The following WIPI1 variants were observed in gnomAD, a reference collection of about 807,000 sequenced individuals.
The protein encoded by WIPI1 is WD repeat domain, phosphoinositide interacting 1.
In WIPI1, 45 loss-of-function variants were observed where a neutral mutation model predicts 55.3. That is an observed-to-expected ratio of 0.81 (90% confidence interval 0.64 to 1.04). WIPI1 has a LOEUF of 1.04. Among genes scored for constraint, WIPI1 ranks in the 50% least tolerant of loss-of-function variants. WIPI1 has a pLI of 0.00. For missense variants in WIPI1, 445 were observed against 559.0 expected (o/e 0.80, Z 2.06); for synonymous variants, 195 against 217.6 (o/e 0.90, Z 0.92).
chr17:68,457,271 C>G (rs2084669515), intron 1 of WIPI1, 71 bp downstream of exon 1: 1 of 1,512,248 alleles, frequency 6.6e-7, no homozygotes, highest in Non-Finnish European at 8.9e-7. Context: ...ACAAGCTGCT[C>G]TCAGGACGAC....
Position 68,429,082 on chromosome 17 carries a change from G to T in WIPI1, c.966-146C>A, listed in dbSNP as rs1468621679. 6.4e-6 allele frequency: 4 copies of T among 628,798 alleles called. No homozygotes were observed. The East Asian group carries it at 1.1e-4, about 18-fold the overall frequency. 39.0% of individuals were successfully genotyped at this position (628,798 alleles called of 1,614,324 possible). Reference sequence around the variant, plus strand: ...CCCACTGATCTGGTCTGGGCTTCTGGCTATTCCTTTGCATTCTGGCCTTGG... The same window carrying T: ...CCCACTGATCTGGTCTGGGCTTCTGTCTATTCCTTTGCATTCTGGCCTTGG... On this transcript the variant is annotated intron_variant, in intron 9 of 12. Transcript: ENST00000262139.
At chr17:68,431,220 G>A (rs1267030372) in intron 8 of WIPI1, among the ~76,000 whole-genome samples, 2 of 152,214 alleles carry the variant, frequency 1.3e-5, no homozygotes, top group African/African-American at 4.8e-5. Flanking sequence ...GGTCCAGGCA[G>A]GAGCTAGTCC....
At position 68,444,645 on chromosome 17, in the gene WIPI1, C is replaced by G. The variant is rs551211986; in HGVS notation, c.334-56G>C. ...AACCGTTCCTTACAAAGACCCTGAC[C>G]AAATCCAAATCATTCATCTTTCATA... On this transcript the variant is annotated intron_variant, in intron 3 of 12. Coordinates refer to ENST00000262139, the MANE Select transcript of WIPI1 (RefSeq NM_017983.7). The G allele has an allele frequency of 9.3e-6, 13 of 1,399,924 alleles. No homozygotes were observed. In the Admixed American group the frequency reaches 1.0e-4, roughly 11 times the overall value. The allele number at this position is 1,399,924 out of a possible 1,614,324, so 86.7% of individuals were successfully genotyped here. A position where few individuals can be genotyped will look rare whatever the true frequency, so the allele number is the denominator to read the frequency against.
At chr17:68,428,784 C>T (rs763240441) in intron 10 of WIPI1, 45 bp downstream of exon 10, 111 of 1,477,200 alleles carry the variant, frequency 7.5e-5, no homozygotes, top group Admixed American at 6.8e-5. Flanking sequence ...CAACTCTACA[C>T]GACCAGCTCT....
chr17:68,457,283 C>T, intron 1 of WIPI1, 59 bp downstream of exon 1: 4 of 1,525,686 alleles, frequency 2.6e-6, no homozygotes, highest in Non-Finnish European at 3.5e-6. Flanking sequence ...CAGGACGACA[C>T]CCCTGGGTCC....
intron 3 of WIPI1, among the ~76,000 whole-genome samples, chr17:68,448,080 CTG>C (rs1389921072): frequency 2.7e-5 from 4 of 150,108 alleles, no homozygotes; most frequent in Admixed American, 1.3e-4. Context: ...AAAAAAGAAA[CTG>C]TGCTGTCTGA....
chr17:68,441,625 CT>C (rs1338371040), intron 4 of WIPI1, among the ~76,000 whole-genome samples: 2 of 152,166 alleles, frequency 1.3e-5, no homozygotes, highest in African/African-American at 4.8e-5. Context: ...CAGCTCTGAC[CT>C]GTGCAAGGCT....
intron 4 of WIPI1, among the ~76,000 whole-genome samples, chr17:68,443,828 G>A (rs553674605): frequency 2.0e-5 from 3 of 152,328 alleles, no homozygotes; most frequent in Non-Finnish European, 4.4e-5. Flanking sequence ...AGTTGTTCCA[G>A]TGTGCTGACT....
rs774910250 is a variant in WIPI1, at chr17:68,426,195, C to G, written c.1193-20G>C. On this transcript the variant is annotated intron_variant, in intron 11 of 12. Coordinates refer to ENST00000262139, the MANE Select transcript of WIPI1 (RefSeq NM_017983.7). ...AATAACCTGGAAACCAAGAAAGAGA[C>G]ATGAAACAAGCACTGGGGATCTGCT... The G allele has an allele frequency of 1.9e-6, 3 of 1,575,110 alleles. No individual in the cohort carries two copies. In the East Asian group the frequency reaches 7.0e-5, roughly 37 times the overall value.
intron 8 of WIPI1, among the ~76,000 whole-genome samples, chr17:68,431,987 C>A (rs1329549707): frequency 6.6e-6 from 1 of 152,172 alleles, no homozygotes; most frequent in Non-Finnish European, 1.5e-5. Context: ...AAACCCATGA[C>A]AACAGATGAT....
At chr17:68,455,589 A>G (rs2084628424) in intron 1 of WIPI1, among the ~76,000 whole-genome samples, 1 of 152,178 alleles carries the variant, frequency 6.6e-6, no homozygotes, top group Admixed American at 6.5e-5. Flanking sequence ...CTGTGGCTCA[A>G]AGCAACTGAC....
intron 12 of WIPI1, 88 bp downstream of exon 12, chr17:68,425,987 G>A (rs1203009237): frequency 7.9e-6 from 8 of 1,008,112 alleles, no homozygotes; most frequent in Non-Finnish European, 1.2e-5. Context: ...TAGAAAACAG[G>A]GAAAGGGACT....
At chr17:68,447,522 C>T (rs1022566267) in intron 3 of WIPI1, among the ~76,000 whole-genome samples, 13 of 152,210 alleles carry the variant, frequency 8.5e-5, no homozygotes, top group South Asian at 2.1e-4. Flanking sequence ...GCTAGGCCTA[C>T]GGGCAAGTGC....
At position 68,428,819 on chromosome 17, in the gene WIPI1, G is replaced by A. The variant is rs751336557; in HGVS notation, c.1073+10C>T. ...TCGAAAGGCTGTCTTTTGAAAAGCA[G>A]TCTCTTCACCTGTGGGTTTTGATTA... On this transcript the variant is annotated intron_variant, in intron 10 of 12. Transcript: ENST00000262139. 7 of 1,603,582 alleles carry A rather than the reference G, an allele frequency of 4.4e-6. No individual in the cohort carries two copies. The Admixed American group carries it at 8.3e-5, about 19-fold the overall frequency.
At chr17:68,453,724 C>A (rs1395827755) in intron 1 of WIPI1, among the ~76,000 whole-genome samples, 1 of 152,178 alleles carries the variant, frequency 6.6e-6, no homozygotes, top group Non-Finnish European at 1.5e-5. Flanking sequence ...AGTAATCCAC[C>A]TGCCTCGGCC....
intron 7 of WIPI1, 121 bp downstream of exon 7, chr17:68,434,435 C>T (rs545535732): frequency 1.1e-4 from 102 of 958,124 alleles, no homozygotes; most frequent in Admixed American, 3.7e-4. Context: ...AGAGTAGTTA[C>T]ACTTCCTCCA....
chr17:68,437,947 T>TC (rs1568638070), intron 4 of WIPI1, among the ~76,000 whole-genome samples: 2 of 58,810 alleles, frequency 3.4e-5, no homozygotes, highest in African/African-American at 1.5e-4. Flanking sequence ...GACATCTCTC[T>TC]TAAAAAAAAA....
At chr17:68,431,340 T>A (rs1736051494) in intron 8 of WIPI1, among the ~76,000 whole-genome samples, 1 of 152,070 alleles carries the variant, frequency 6.6e-6, no homozygotes, top group Non-Finnish European at 1.5e-5. Context: ...ACAGGGTTGC[T>A]GGGAGAACTA....
At chr17:68,455,969 C>G (rs1481460018) in intron 1 of WIPI1, among the ~76,000 whole-genome samples, 6 of 152,192 alleles carry the variant, frequency 3.9e-5, no homozygotes, top group Non-Finnish European at 8.8e-5. Flanking sequence ...AGGATTTTAT[C>G]TATACCAGCA....
Sources: allele counts gnomAD v4.1 joint callset (sites outside exome capture counted in the v4.1 genomes callset), GRCh38; gene constraint gnomAD v4.1.1; transcripts MANE v1.5; gene names NCBI Gene and HGNC (gene_info 2026-07-23, HGNC 2026-07-21).